PATJ: variants seen among roughly 807,000 people sequenced by gnomAD.
PATJ encodes the protein inaD-like protein.
PATJ carries 190 observed loss-of-function variants against 224.9 expected under a neutral mutation model. The observed-to-expected ratio is 0.84, with a 90% CI of 0.75 to 0.95. The LOEUF is 0.95. Among genes scored for constraint, PATJ ranks in the 40% least tolerant of loss-of-function variants. The pLI, the probability that PATJ is intolerant of heterozygous loss-of-function variation, is 0.00. For missense variants in PATJ, 2,121 were observed against 2,270.3 expected (o/e 0.93, Z 1.34); for synonymous variants, 769 against 820.3 (o/e 0.94, Z 1.07).
chr1:62,104,243 T>TA (rs1177076548), intron 33 of PATJ, among the ~76,000 whole-genome samples: 1 of 152,174 alleles, frequency 6.6e-6, no homozygotes, highest in Non-Finnish European at 1.5e-5. Flanking sequence ...ATCATATGCA[T>TA]AATCAACACC....
chr1:61,796,168 TAAGA>T (rs1251008812), intron 10 of PATJ, among the ~76,000 whole-genome samples: 1 of 152,172 alleles, frequency 6.6e-6, no homozygotes, highest in African/African-American at 2.4e-5. Flanking sequence ...CAAATCTATC[TAAGA>T]AAGCACATTT....
chr1:61,952,266 G>A (rs1679806654), intron 27 of PATJ: 1 of 604,414 alleles, frequency 1.7e-6, no homozygotes, highest in East Asian at 2.8e-5. Flanking sequence ...GAGAGAGAGA[G>A]AGAGAGAGAG....
chr1:61,838,870 G>A (rs1275048012), intron 17 of PATJ, among the ~76,000 whole-genome samples: 4 of 152,018 alleles, frequency 2.6e-5, no homozygotes, highest in African/African-American at 9.7e-5. Flanking sequence ...ACTCCCACTA[G>A]TATTAATAAC....
At chr1:61,814,529 T>TGTGTGTGTGTGTGTGTGTGTGTGTGTGC (rs1655657437) in intron 14 of PATJ, among the ~76,000 whole-genome samples, 1 of 131,846 alleles carries the variant, frequency 7.6e-6, no homozygotes, top group Non-Finnish European at 1.6e-5. Flanking sequence ...AGTGTGTGTG[T>TGTGTGTGTGTGTGTGTGTGTGTGTGTGC]GTGTGTGTGT....
At chr1:61,779,706 T>C (rs1485382594) in intron 7 of PATJ, among the ~76,000 whole-genome samples, 1 of 152,216 alleles carries the variant, frequency 6.6e-6, no homozygotes, top group Non-Finnish European at 1.5e-5. Context: ...TTTTTAAGAA[T>C]GTAAAGGAGT....
At chr1:61,821,269 T>A (rs1376043887) in intron 14 of PATJ, among the ~76,000 whole-genome samples, 1 of 152,074 alleles carries the variant, frequency 6.6e-6, no homozygotes, top group Non-Finnish European at 1.5e-5. Flanking sequence ...ATGGTCTCGA[T>A]CACCTGACCT....
At chr1:61,802,381 C>A (rs1652720995) in intron 12 of PATJ, among the ~76,000 whole-genome samples, 1 of 152,224 alleles carries the variant, frequency 6.6e-6, no homozygotes, top group Non-Finnish European at 1.5e-5. Context: ...GCGTGAGCCA[C>A]CGTGCCCAGC....
chr1:62,062,484 A>G (rs1260850092), intron 31 of PATJ, among the ~76,000 whole-genome samples: 1 of 108,440 alleles, frequency 9.2e-6, no homozygotes, highest in African/African-American at 3.7e-5. Flanking sequence ...CATAGCCCAC[A>G]GCAACCTTTT....
intron 31 of PATJ, among the ~76,000 whole-genome samples, chr1:62,065,378 A>G (rs2148661058): frequency 6.6e-6 from 1 of 152,334 alleles, no homozygotes; most frequent in South Asian, 2.1e-4. Context: ...TGGGAGGCCG[A>G]GACAGGCGGA....
At chr1:61,928,870 T>C (rs1430748114) in intron 27 of PATJ, among the ~76,000 whole-genome samples, 1 of 152,212 alleles carries the variant, frequency 6.6e-6, no homozygotes, top group African/African-American at 2.4e-5. Context: ...AATTGTACTT[T>C]GCAATTTTAT....
At chr1:61,969,509 A>G (rs76084933) in intron 27 of PATJ, among the ~76,000 whole-genome samples, 9,186 of 152,194 alleles carry the variant, frequency 0.06, 939 homozygotes, top group African/African-American at 0.21. Context: ...GGCTATTTGT[A>G]TACCATGTTT....
intron 28 of PATJ, among the ~76,000 whole-genome samples, chr1:62,010,690 G>A (rs1428703577): frequency 6.6e-6 from 1 of 152,110 alleles, no homozygotes; most frequent in African/African-American, 2.4e-5. Context: ...CTGTTGATGA[G>A]CACTTAGGTT....
intron 1 of PATJ, among the ~76,000 whole-genome samples, chr1:61,744,397 A>AC (rs1462802810): frequency 6.6e-6 from 1 of 151,756 alleles, no homozygotes; most frequent in East Asian, 1.9e-4. Context: ...CCTTCTTGAG[A>AC]CCGATCTTTA....
At chr1:62,096,683 T>G (rs1661434163) in intron 33 of PATJ, among the ~76,000 whole-genome samples, 1 of 152,164 alleles carries the variant, frequency 6.6e-6, no homozygotes, top group South Asian at 2.1e-4. Context: ...TGGCGCGATC[T>G]CAGCTCACTG....
At position 61,817,632 on chromosome 1, in the gene PATJ, G is replaced by T. The variant is rs1338068179; in HGVS notation, c.1684-5313G>T. The stretch of plus-strand genomic sequence containing the variant: ...GCCGAGATCGCACCATTGCACTCCC[G>T]CCTGGGCAACAAGAGCGAAACTCTG... On this transcript the variant is annotated intron_variant, in intron 14 of 43. Transcript: ENST00000642238. 3.9e-5 allele frequency among the ~76,000 whole-genome samples: 6 copies of T among 152,144 alleles called. No homozygotes were observed. The East Asian group carries it at 1.2e-3, about 29-fold the overall frequency.
intron 30 of PATJ, among the ~76,000 whole-genome samples, chr1:62,049,835 T>C (rs1276553672): frequency 1.3e-5 from 2 of 152,136 alleles, no homozygotes; most frequent in Non-Finnish European, 2.9e-5. Context: ...GTGCCAGGCA[T>C]GGTGATGGGA....
intron 22 of PATJ, among the ~76,000 whole-genome samples, chr1:61,885,601 C>T (rs1164213902): frequency 1.3e-5 from 2 of 152,170 alleles, no homozygotes; most frequent in African/African-American, 4.8e-5. Flanking sequence ...AGTTCAACCA[C>T]TGTGGAAGTC....
Position 61,908,383 on chromosome 1 carries a change from A to G in PATJ, c.3393A>G (p.Val1131=). 1.9e-6 allele frequency: 3 copies of G among 1,611,966 alleles called. No individual in the cohort carries two copies. Among genetic ancestry groups the G allele is most frequent in the Non-Finnish European group, 2.5e-6 (3 of 1,178,068 alleles). Residue 1131 remains valine (V), a synonymous_variant, in exon 25 of 44, where the codon GTA becomes GTG. Transcript: ENST00000642238. ...TGDKILEVSG[V]DLQNASHSEA... is the part of the protein sequence containing the mutation. ...CTTCTGTGTTTCAGGTGTCTGGAGT[A>G]GATTTGCAGAATGCCTCACACAGCG...
At chr1:61,813,334 C>A in intron 14 of PATJ, among the ~76,000 whole-genome samples, 1 of 63,066 alleles carries the variant, frequency 1.6e-5, no homozygotes, top group South Asian at 7.5e-4. Flanking sequence ...ATGGAATGTA[C>A]ATATATATAT....
Sources: gnomAD v4.1 joint callset for allele counts (sites outside exome capture counted in the v4.1 genomes callset) on GRCh38, gnomAD v4.1.1 for gene constraint, MANE v1.5 for transcripts, NCBI Gene and HGNC (gene_info 2026-07-23, HGNC 2026-07-21) for gene names.